Variants in MDGA2 observed in about 807,000 individuals in gnomAD.
MDGA2 encodes the protein MAM domain-containing glycosylphosphatidylinositol anchor protein 2.
Under a neutral mutation model 117.8 loss-of-function variants are expected in MDGA2, and 40 were observed. The observed-to-expected ratio is 0.34, with a 90% CI of 0.26 to 0.44. The LOEUF (loss-of-function observed/expected upper bound fraction) is 0.44. MDGA2 is among the 20% of genes least tolerant of loss of function. The pLI, the probability that MDGA2 is intolerant of heterozygous loss-of-function variation, is 1.00. For synonymous variants in MDGA2, 452 were observed against 439.0 expected, an observed-to-expected ratio of 1.03 and a Z score of -0.37; for missense variants, 1,123 against 1,250.6, an observed-to-expected ratio of 0.90 and a Z score of 1.54.
intron 1 of MDGA2, among the ~76,000 whole-genome samples, chr14:47,431,281 T>C (rs1239787303): frequency 6.6e-6 from 1 of 151,824 alleles, no homozygotes; most frequent in African/African-American, 2.4e-5. Flanking sequence ...GGACTCACGG[T>C]GTAAGTTTTA....
chr14:47,427,220 T>C (rs1042369948), intron 1 of MDGA2, among the ~76,000 whole-genome samples: 1 of 152,152 alleles, frequency 6.6e-6, no homozygotes, highest in African/African-American at 2.4e-5. Context: ...ATGTGTCGTC[T>C]GAGGCAAAAA....
chr14:47,132,411 A>G (rs1274034689), intron 4 of MDGA2, among the ~76,000 whole-genome samples: 2 of 151,948 alleles, frequency 1.3e-5, no homozygotes, highest in Admixed American at 6.6e-5. Flanking sequence ...TGAAGGAAAG[A>G]AGCATTCGTG....
At chr14:47,459,070 T>C (rs998004266) in intron 1 of MDGA2, among the ~76,000 whole-genome samples, 1 of 151,940 alleles carries the variant, frequency 6.6e-6, no homozygotes, top group Non-Finnish European at 1.5e-5. Context: ...TCTAAATGCC[T>C]ATGGCTCAGC....
intron 1 of MDGA2, among the ~76,000 whole-genome samples, chr14:47,665,838 G>A (rs1283219430): frequency 1.0e-3 from 19 of 18,550 alleles, no homozygotes; most frequent in South Asian, 4.5e-3. Flanking sequence ...GCCCCACCCC[G>A]CCCCACCCCA....
chr14:47,065,608 T>C (rs1890052146), intron 6 of MDGA2, among the ~76,000 whole-genome samples: 1 of 152,212 alleles, frequency 6.6e-6, no homozygotes, highest in Non-Finnish European at 1.5e-5. Flanking sequence ...AATTATAACG[T>C]ACATTGTTTT....
chr14:47,070,193 T>G (rs1890229100), intron 6 of MDGA2, among the ~76,000 whole-genome samples: 1 of 152,160 alleles, frequency 6.6e-6, no homozygotes, highest in South Asian at 2.1e-4. Flanking sequence ...TTATACCAAC[T>G]AACCATGCCC....
At chr14:47,018,733 G>GAAAAAAAAAAAAAAAAA (rs60442845) in intron 8 of MDGA2, among the ~76,000 whole-genome samples, 6 of 38,654 alleles carry the variant, frequency 1.6e-4, no homozygotes, top group African/African-American at 4.5e-4. Context: ...CCATTTTACT[G>GAAAAAAAAAAAAAAAAA]AAAAAAAAAA....
chr14:47,399,755 G>GT (rs5808393), intron 1 of MDGA2, among the ~76,000 whole-genome samples: 53,220 of 151,792 alleles, frequency 0.35, 9,747 homozygotes, highest in East Asian at 0.57. Context: ...AATCATGTCT[G>GT]TTTTTTTGTT....
chr14:47,537,573 TTAAAAAAAAAAAAAAA>T (rs1274246756), intron 1 of MDGA2, among the ~76,000 whole-genome samples: 22 of 57,106 alleles, frequency 3.9e-4, no homozygotes, highest in African/African-American at 1.0e-3. Flanking sequence ...CTTCTCTCTG[TTAAAAAAAAAAAAAAA>T]AAAAAAAAAA....
intron 1 of MDGA2, among the ~76,000 whole-genome samples, chr14:47,528,308 T>C (rs1380181501): frequency 6.6e-6 from 1 of 152,228 alleles, no homozygotes; most frequent in Admixed American, 6.5e-5. Context: ...AGCATGATGT[T>C]AGCATGCAGA....
At chr14:47,104,376 T>C (rs1318786159) in intron 5 of MDGA2, among the ~76,000 whole-genome samples, 5 of 150,342 alleles carry the variant, frequency 3.3e-5, no homozygotes, top group Non-Finnish European at 5.9e-5. Context: ...ACTGATGACA[T>C]TACCTTGTGA....
chr14:47,422,248 G>A (rs538413675), intron 1 of MDGA2, among the ~76,000 whole-genome samples: 2 of 152,252 alleles, frequency 1.3e-5, no homozygotes, highest in African/African-American at 2.4e-5. Flanking sequence ...AAGGAACTAT[G>A]AGTGCTAATG....
rs1185537283 is a variant in MDGA2 at position 46,941,467 on chromosome 14, G to C, written c.2089+15907C>G. Among the ~76,000 whole-genome samples the C allele has an allele frequency of 2.6e-5, 4 of 152,082 alleles. No homozygotes were observed. In the East Asian group the frequency reaches 5.8e-4, roughly 22 times the overall value. On this transcript the variant is annotated intron_variant, in intron 9 of 16. Coordinates refer to ENST00000399232, the MANE Select transcript of MDGA2 (RefSeq NM_001113498.3). ...TCTCTCCTGACCACTCTTAGTTTCAGGCATGCCCTTGGAACACACTCTGCA... is the reference window on the plus strand; with the variant it reads ...TCTCTCCTGACCACTCTTAGTTTCACGCATGCCCTTGGAACACACTCTGCA...
chr14:47,259,344 AC>A (rs1218521154), intron 2 of MDGA2, among the ~76,000 whole-genome samples: 5 of 151,868 alleles, frequency 3.3e-5, no homozygotes, highest in Admixed American at 6.6e-5. Flanking sequence ...CTACTTGCAT[AC>A]CCTTGTTTGA....
At chr14:47,272,699 C>T (rs1342588022) in intron 2 of MDGA2, among the ~76,000 whole-genome samples, 1 of 152,136 alleles carries the variant, frequency 6.6e-6, no homozygotes, top group African/African-American at 2.4e-5. Context: ...AAACCATTTG[C>T]AAAAATTGAC....
intron 8 of MDGA2, among the ~76,000 whole-genome samples, chr14:46,980,242 G>A (rs1398320646): frequency 1.3e-5 from 2 of 152,172 alleles, no homozygotes; most frequent in Non-Finnish European, 1.5e-5. Flanking sequence ...AACTTAGAGA[G>A]GATCAAGACT....
At chr14:47,001,542 G>T (rs968007378) in intron 8 of MDGA2, among the ~76,000 whole-genome samples, 6 of 152,020 alleles carry the variant, frequency 3.9e-5, no homozygotes, top group Non-Finnish European at 4.4e-5. Flanking sequence ...TATAGGAAAA[G>T]AAAGAGACTT....
chr14:46,974,630 A>T (rs1886388192), intron 8 of MDGA2, among the ~76,000 whole-genome samples: 1 of 152,186 alleles, frequency 6.6e-6, no homozygotes, highest in African/African-American at 2.4e-5. Flanking sequence ...TGGGGAATAG[A>T]TAGTCTTTTC....
intron 1 of MDGA2, among the ~76,000 whole-genome samples, chr14:47,399,291 T>C (rs939158050): frequency 4.6e-5 from 7 of 152,090 alleles, no homozygotes; most frequent in South Asian, 4.1e-4. Context: ...GGGTCTGACA[T>C]TGAAATTCAT....
Sources: allele counts gnomAD v4.1 joint callset (sites outside exome capture counted in the v4.1 genomes callset), GRCh38; gene constraint gnomAD v4.1.1; transcripts MANE v1.5; gene names NCBI Gene and HGNC (gene_info 2026-07-23, HGNC 2026-07-21).